PLCB1: variants seen among roughly 807,000 people sequenced by gnomAD.
The protein encoded by PLCB1 is 1-phosphatidylinositol 4,5-bisphosphate phosphodiesterase beta-1.
A neutral mutation model predicts 161.8 loss-of-function variants in PLCB1; 46 were observed. The observed-to-expected ratio is 0.28, with a 90% CI of 0.22 to 0.36. The LOEUF (loss-of-function observed/expected upper bound fraction) is 0.36, where lower values mean the gene tolerates loss of function less well. PLCB1 is among the 10% of genes least tolerant of loss of function. The pLI, the probability that PLCB1 is intolerant of heterozygous loss-of-function variation, is 1.00. For synonymous variants in PLCB1, 517 were observed against 503.7 expected (o/e 1.03, Z -0.35); for missense variants, 1,016 against 1,472.5 (o/e 0.69, Z 5.07).
At chr20:8,715,507 G>A (rs1315962569) in intron 12 of PLCB1, among the ~76,000 whole-genome samples, 1 of 152,158 alleles carries the variant, frequency 6.6e-6, no homozygotes, top group African/African-American at 2.4e-5. Context: ...TATAGACCCA[G>A]AGTGGTTCAG....
chr20:8,661,842 G>A (rs773988133), intron 9 of PLCB1, among the ~76,000 whole-genome samples: 3 of 147,844 alleles, frequency 2.0e-5, no homozygotes, highest in Non-Finnish European at 3.0e-5. Context: ...CATAACTTCA[G>A]TATTTAATAA....
At chr20:8,164,517 G>A (rs1045045086) in intron 2 of PLCB1, among the ~76,000 whole-genome samples, 1 of 152,148 alleles carries the variant, frequency 6.6e-6, no homozygotes, top group African/African-American at 2.4e-5. Flanking sequence ...CTGTGTCCAG[G>A]TGCCATTTCC....
At chr20:8,470,796 T>G (rs1444807921) in intron 3 of PLCB1, among the ~76,000 whole-genome samples, 1 of 152,202 alleles carries the variant, frequency 6.6e-6, no homozygotes, top group Non-Finnish European at 1.5e-5. Flanking sequence ...TGCCCATTTT[T>G]TAATTTTTTT....
intron 3 of PLCB1, among the ~76,000 whole-genome samples, chr20:8,591,059 C>T (rs543079606): frequency 2.1e-4 from 32 of 152,122 alleles, no homozygotes; most frequent in African/African-American, 7.2e-4. Flanking sequence ...CACTTATAAG[C>T]GAGAACATGA....
chr20:8,587,892 G>C (rs1339645793), intron 3 of PLCB1, among the ~76,000 whole-genome samples: 1 of 152,144 alleles, frequency 6.6e-6, no homozygotes. Flanking sequence ...CTGTAAAATA[G>C]AATGATAAAT....
chr20:8,383,059 C>T (rs927442623), intron 3 of PLCB1, among the ~76,000 whole-genome samples: 1 of 152,136 alleles, frequency 6.6e-6, no homozygotes, highest in Non-Finnish European at 1.5e-5. Context: ...CCCGTTGATC[C>T]AGAGCTGAGT....
At chr20:8,453,818 G>A (rs1308121538) in intron 3 of PLCB1, among the ~76,000 whole-genome samples, 6 of 152,158 alleles carry the variant, frequency 3.9e-5, no homozygotes. Context: ...CTCTGTTATG[G>A]ACTAAGTTGT....
chr20:8,518,869 C>A (rs2122875653), intron 3 of PLCB1, among the ~76,000 whole-genome samples: 1 of 151,366 alleles, frequency 6.6e-6, no homozygotes, highest in Admixed American at 6.6e-5. Context: ...TGATGGAAGA[C>A]AGTGAAAGAT....
chr20:8,338,318 C>T (rs1459186503), intron 2 of PLCB1, among the ~76,000 whole-genome samples: 5 of 152,068 alleles, frequency 3.3e-5, no homozygotes, highest in Non-Finnish European at 5.9e-5. Context: ...GGAATATATT[C>T]CGCCAGTGGA....
At chr20:8,171,920 G>T (rs1002619742) in intron 2 of PLCB1, among the ~76,000 whole-genome samples, 33 of 152,136 alleles carry the variant, frequency 2.2e-4, no homozygotes, top group Admixed American at 6.6e-4. Context: ...ATAGGTTGGT[G>T]GGAGTAAACT....
intron 22 of PLCB1, among the ~76,000 whole-genome samples, chr20:8,740,998 C>G (rs952935553): frequency 1.3e-5 from 2 of 152,188 alleles, no homozygotes; most frequent in Non-Finnish European, 2.9e-5. Flanking sequence ...ATTGGCAAAT[C>G]ATTGGGTTAT....
At chr20:8,817,647 C>T (rs978372763) in intron 31 of PLCB1, among the ~76,000 whole-genome samples, 4 of 152,142 alleles carry the variant, frequency 2.6e-5, no homozygotes, top group African/African-American at 9.7e-5. Flanking sequence ...TAAAAAGGAA[C>T]CCATCTTTAA....
At chr20:8,326,373 G>C (rs1227045818) in intron 2 of PLCB1, among the ~76,000 whole-genome samples, 2 of 152,162 alleles carry the variant, frequency 1.3e-5, no homozygotes, top group African/African-American at 2.4e-5. Flanking sequence ...GGGCTGGAAG[G>C]TTTGCATTCC....
At chr20:8,217,201 A>G (rs1429115120) in intron 2 of PLCB1, among the ~76,000 whole-genome samples, 2 of 152,134 alleles carry the variant, frequency 1.3e-5, no homozygotes, top group African/African-American at 4.8e-5. Context: ...AGTGTGTTAC[A>G]GTTCTGAGTA....
At chr20:8,628,205 A>T in intron 3 of PLCB1, 89 bp from the exon 4 acceptor site, 1 of 1,042,216 alleles carries the variant, frequency 9.6e-7, no homozygotes, top group South Asian at 1.4e-5. Context: ...TTTGTTTTGA[A>T]ATCATTCTAA....
chr20:8,833,180 G>T (rs1411792816), intron 31 of PLCB1, among the ~76,000 whole-genome samples: 1 of 152,196 alleles, frequency 6.6e-6, no homozygotes, highest in Non-Finnish European at 1.5e-5. Context: ...CCCAGAGACT[G>T]GGTAATTTAT....
intron 1 of PLCB1, among the ~76,000 whole-genome samples, chr20:8,147,752 A>C (rs977068155): frequency 6.6e-6 from 1 of 152,218 alleles, no homozygotes; most frequent in African/African-American, 2.4e-5. Context: ...AGTGGGGTCA[A>C]GAAAACATTG....
intron 2 of PLCB1, among the ~76,000 whole-genome samples, chr20:8,312,655 AG>A (rs2122127792): frequency 6.6e-6 from 1 of 152,308 alleles, no homozygotes; most frequent in African/African-American, 2.4e-5. Context: ...AACAAGGCAA[AG>A]CATGTTTATT....
At chr20:8,680,049 A>G (rs768310297) in intron 9 of PLCB1, among the ~76,000 whole-genome samples, 6 of 152,218 alleles carry the variant, frequency 3.9e-5, no homozygotes, top group Non-Finnish European at 7.3e-5. Flanking sequence ...ACCAGTGACC[A>G]CTGGCAAGAA....
Sources: gnomAD v4.1 joint callset for allele counts (sites outside exome capture counted in the v4.1 genomes callset) on GRCh38, gnomAD v4.1.1 for gene constraint, MANE v1.5 for transcripts, NCBI Gene and HGNC (gene_info 2026-07-23, HGNC 2026-07-21) for gene names.